RHBDD1: variants seen among roughly 807,000 people sequenced by gnomAD.
The protein encoded by RHBDD1 is rhomboid-related protein 4.
A neutral mutation model predicts 36.3 loss-of-function variants in RHBDD1; 38 were observed. The ratio of observed to expected loss-of-function variants is 1.05; its 90% CI spans 0.81 to 1.37. The LOEUF (loss-of-function observed/expected upper bound fraction) is 1.37. RHBDD1 is among the 40% of genes most tolerant of loss of function. The pLI is 0.00. For synonymous variants in RHBDD1, 151 were observed against 136.5 expected, an observed-to-expected ratio of 1.11 and a Z score of -0.74; for missense variants, 393 against 377.6, an observed-to-expected ratio of 1.04 and a Z score of -0.34.
rs151114402 is a variant in RHBDD1, at chr2:226,933,094, G to C, written c.856+18743G>C. Among the ~76,000 whole-genome samples, 863 of 152,152 alleles carry C rather than the reference G, an allele frequency of 5.7e-3. 8 individuals are homozygous for C. Among genetic ancestry groups the C allele is most frequent in the African/African-American group, 0.019 (788 of 41,522 alleles). Reference sequence around the variant, plus strand: ...ATGCCAGAGGCTTATAAAACCATCAGATCTCATGAGACCTCACTCACTATC... The same window carrying C: ...ATGCCAGAGGCTTATAAAACCATCACATCTCATGAGACCTCACTCACTATC... On this transcript the variant is annotated intron_variant, in intron 8 of 8. Coordinates refer to ENST00000392062, the MANE Select transcript of RHBDD1 (RefSeq NM_001167608.3).
In RHBDD1 at chr2:226,864,867, G is replaced by T. The variant is rs769837128; in HGVS notation, c.174G>T (p.Lys58Asn). Reference protein sequence around the residue: ...PLYSSCLSVEKCYQQKDWQRL... With the variant: ...PLYSSCLSVENCYQQKDWQRL... Reference sequence around the variant, plus strand: ...ATAGCTCCTGCCTTAGTGTGGAGAAGTGTTACCAGCAAAAAGACTGGCAGC... The same window carrying T: ...ATAGCTCCTGCCTTAGTGTGGAGAATTGTTACCAGCAAAAAGACTGGCAGC... The change falls in exon 4 of 9, where the codon AAG becomes AAT. Residue 58 changes from lysine to asparagine, a missense_variant. Lys to Asn is a moderately conservative substitution (Grantham distance 94). Coordinates refer to ENST00000392062, the MANE Select transcript of RHBDD1 (RefSeq NM_001167608.3). 3 of 1,614,214 alleles carry T rather than the reference G, an allele frequency of 1.9e-6. No homozygotes were observed. The highest frequency in any genetic ancestry group is 1.7e-6 in the Non-Finnish European group (2 of 1,180,040).
At chr2:226,816,375 CA>C in the RHBDD1 span, among the ~76,000 whole-genome samples, 14,597 of 64,880 alleles carry the variant, frequency 0.22, 628 homozygotes, top group African/African-American at 0.36. Context: ...GGAATGGTGG[CA>C]AAAAAAAAAA....
chr2:226,955,913 G>C (rs114907133), intron 8 of RHBDD1, among the ~76,000 whole-genome samples: 2,541 of 152,258 alleles, frequency 0.017, 63 homozygotes, highest in African/African-American at 0.058. Context: ...GAATTGGTGG[G>C]GGGGACATGA....
At chr2:226,953,616 A>G (rs1951578141) in intron 8 of RHBDD1, among the ~76,000 whole-genome samples, 1 of 152,162 alleles carries the variant, frequency 6.6e-6, no homozygotes, top group African/African-American at 2.4e-5. Context: ...ATAATATACA[A>G]TCAAAAAAGT....
chr2:226,914,554 T>C (rs772571178), intron 8 of RHBDD1: 3 of 409,994 alleles, frequency 7.3e-6, no homozygotes, highest in Non-Finnish European at 1.3e-5. Flanking sequence ...TGCCAGACTG[T>C]GTATGTATTG....
At chr2:226,882,203 G>A (rs1444808268) in intron 5 of RHBDD1, among the ~76,000 whole-genome samples, 1 of 152,106 alleles carries the variant, frequency 6.6e-6, no homozygotes, top group Non-Finnish European at 1.5e-5. Flanking sequence ...GCCGAGGCGG[G>A]TGGATCACCT....
intron 8 of RHBDD1, among the ~76,000 whole-genome samples, chr2:226,951,999 T>C (rs1288865537): frequency 4.6e-5 from 7 of 152,322 alleles, no homozygotes; most frequent in African/African-American, 9.6e-5. Flanking sequence ...TTAGAATCAT[T>C]TGGGGAGCTT....
At chr2:226,980,542 G>A (rs947308931) in intron 8 of RHBDD1, among the ~76,000 whole-genome samples, 3 of 152,082 alleles carry the variant, frequency 2.0e-5, no homozygotes, top group Non-Finnish European at 2.9e-5. Flanking sequence ...GACACCCCTC[G>A]TGTTCTGGAA....
At chr2:226,832,972 T>C (rs1328527642), upstream of RHBDD1, among the ~76,000 whole-genome samples, 3 of 152,144 alleles carry the variant, frequency 2.0e-5, no homozygotes, top group African/African-American at 4.8e-5. Context: ...GATTGTGCCA[T>C]TGCACTTCAA....
At chr2:226,950,176 T>G (rs929203975) in intron 8 of RHBDD1, among the ~76,000 whole-genome samples, 2 of 152,216 alleles carry the variant, frequency 1.3e-5, no homozygotes, top group Non-Finnish European at 2.9e-5. Context: ...TAACTGAAAT[T>G]TTGTACCCTT....
chr2:226,912,079 C>T (rs1347747599), intron 7 of RHBDD1, among the ~76,000 whole-genome samples: 1 of 152,112 alleles, frequency 6.6e-6, no homozygotes, highest in African/African-American at 2.4e-5. Flanking sequence ...AGACATTTCT[C>T]TAAGAAGATA....
Position 226,906,575 on chromosome 2 carries a change from C to T in RHBDD1, c.567-218C>T, listed in dbSNP as rs533756666. The T allele has an allele frequency of 1.6e-4, 158 of 997,618 alleles. 1 individual carries two copies. The highest frequency in any genetic ancestry group is 2.2e-4 in the Non-Finnish European group (153 of 700,930). 61.8% of individuals were successfully genotyped at this position (997,618 alleles called of 1,614,324 possible). A position where few individuals can be genotyped will look rare whatever the true frequency, so the allele number is the denominator to read the frequency against. On this transcript the variant is annotated intron_variant, in intron 5 of 8. Transcript: ENST00000392062. ...TTCCCCTGGTTAAGGAGGGGTGTTG[C>T]GTTTTAAACATGTGGTGGTTGTTAT...
chr2:226,973,872 T>C lies in RHBDD1; in HGVS notation c.857-21559T>C, dbSNP rs375395356. Among the ~76,000 whole-genome samples, 37 of 152,346 alleles carry C rather than the reference T, an allele frequency of 2.4e-4. No individual in the cohort carries two copies. The South Asian group carries it at 7.0e-3, about 29-fold the overall frequency. On this transcript the variant is annotated intron_variant, in intron 8 of 8. Transcript: ENST00000392062. Reference sequence around the variant, plus strand: ...GTAAGGCTACTGTGTGTTAGAATTGTGATTCTGCCTGTTCATCCTCCTGGC... The same window carrying C: ...GTAAGGCTACTGTGTGTTAGAATTGCGATTCTGCCTGTTCATCCTCCTGGC...
In RHBDD1 at chr2:226,996,750, ATAATTTTATAT is replaced by A. The variant is rs1446130801; in HGVS notation, c.*1231_*1241del. 1 of 152,200 alleles carries A rather than the reference ATAATTTTATAT, an allele frequency of 6.6e-6. No individual in the cohort carries two copies. The highest frequency in any genetic ancestry group is 1.5e-5 in the Non-Finnish European group (1 of 68,036). 9.4% of individuals were successfully genotyped at this position (152,200 alleles called of 1,614,324 possible). Reference sequence around the variant, plus strand: ...ATGGGATTTTGCTTTCTTCATTTTTATAATTTTATATTACTGTCTTGGAAGATGTGTTTATG... The same window carrying A: ...ATGGGATTTTGCTTTCTTCATTTTTATACTGTCTTGGAAGATGTGTTTATG... On this transcript the variant is annotated 3_prime_UTR_variant, in exon 9 of 9. Coordinates refer to ENST00000392062, the MANE Select transcript of RHBDD1 (RefSeq NM_001167608.3).
At chr2:226,928,148 T>A (rs183193362) in intron 8 of RHBDD1, among the ~76,000 whole-genome samples, 3 of 152,246 alleles carry the variant, frequency 2.0e-5, no homozygotes, top group Admixed American at 2.0e-4. Context: ...AGTTTGTTTT[T>A]TGCTTGTGGA....
intron 5 of RHBDD1, among the ~76,000 whole-genome samples, chr2:226,900,080 A>T (rs1947462095): frequency 6.6e-6 from 1 of 152,232 alleles, no homozygotes; most frequent in Non-Finnish European, 1.5e-5. Context: ...GGGTCCATGG[A>T]TGGAGTTCAA....
At chr2:226,901,072 ATGAGTTTGACT>A (rs1455339227) in intron 5 of RHBDD1, among the ~76,000 whole-genome samples, 2 of 152,130 alleles carry the variant, frequency 1.3e-5, no homozygotes, top group African/African-American at 4.8e-5. Flanking sequence ...TACTGTTTCT[ATGAGTTTGACT>A]TCTTTAGAGT....
intron 3 of RHBDD1, among the ~76,000 whole-genome samples, chr2:226,859,888 GT>G (rs1185845373): frequency 6.6e-6 from 1 of 152,064 alleles, no homozygotes; most frequent in Non-Finnish European, 1.5e-5. Context: ...GTGGAAAATA[GT>G]TAGTGGCTAT....
At chr2:226,898,051 A>C (rs746599534) in intron 5 of RHBDD1, among the ~76,000 whole-genome samples, 1 of 152,172 alleles carries the variant, frequency 6.6e-6, no homozygotes, top group Non-Finnish European at 1.5e-5. Flanking sequence ...TAAAAGTGAG[A>C]TCTCATTCAC....
Sources: gnomAD v4.1 joint callset for allele counts (sites outside exome capture counted in the v4.1 genomes callset) on GRCh38, gnomAD v4.1.1 for gene constraint, MANE v1.5 for transcripts, NCBI Gene and HGNC (gene_info 2026-07-23, HGNC 2026-07-21) for gene names.